Variants in TMEM117 observed in about 807,000 individuals in gnomAD.
TMEM117 encodes the protein transmembrane protein 117.
TMEM117 carries 27 observed loss-of-function variants against 52.4 expected under a neutral mutation model. That is an observed-to-expected ratio of 0.51 (90% CI 0.38 to 0.71). The LOEUF (loss-of-function observed/expected upper bound fraction) is 0.71, where lower values mean the gene tolerates loss of function less well. TMEM117 is among the 30% of genes least tolerant of loss of function. The pLI, the probability that TMEM117 is intolerant of heterozygous loss-of-function variation, is 0.00. For synonymous variants in TMEM117, 215 were observed against 206.3 expected (o/e 1.04, Z -0.36); for missense variants, 556 against 630.5 (o/e 0.88, Z 1.26).
intron 2 of TMEM117, among the ~76,000 whole-genome samples, chr12:43,847,187 T>G (rs1403168035): frequency 1.3e-5 from 2 of 152,142 alleles, no homozygotes; most frequent in African/African-American, 4.8e-5. Context: ...GATAAAAAGA[T>G]ATAGATGAAA....
intron 4 of TMEM117, among the ~76,000 whole-genome samples, chr12:44,159,222 T>G (rs988032954): frequency 6.6e-6 from 1 of 152,164 alleles, no homozygotes; most frequent in African/African-American, 2.4e-5. Flanking sequence ...AGTTTGAAAG[T>G]GTTAAGTCTT....
Position 44,340,857 on chromosome 12 carries a change from T to G in TMEM117, c.769-35738T>G, listed in dbSNP as rs142560438. The stretch of plus-strand genomic sequence containing the variant: ...AAGTGCAGTCCTGCTACATGCATAG[T>G]GCAATGGCCAAGTCAGGGCTTCTAG... On this transcript the variant is annotated intron_variant, in intron 6 of 7. Transcript: ENST00000266534. Among the ~76,000 whole-genome samples, 17 of 152,246 alleles carry G rather than the reference T, an allele frequency of 1.1e-4. No homozygotes were observed. The East Asian group carries it at 2.9e-3, about 26-fold the overall frequency.
At chr12:44,258,226 A>G (rs1190152069) in intron 5 of TMEM117, among the ~76,000 whole-genome samples, 2 of 151,782 alleles carry the variant, frequency 1.3e-5, no homozygotes, top group Non-Finnish European at 2.9e-5. Flanking sequence ...CCAAAGCATA[A>G]ATGACCTCCC....
rs554416618 is a variant in TMEM117 at position 44,338,833 on chromosome 12, C to T, written c.769-37762C>T. ...AGAGTTTTTGGCAGACAACAGAAAC[C>T]AATCTAGCTAGTTTAAGTAGAAAGG... On this transcript the variant is annotated intron_variant, in intron 6 of 7. Coordinates refer to ENST00000266534, the MANE Select transcript of TMEM117 (RefSeq NM_032256.3). Among the ~76,000 whole-genome samples, 31 of 152,070 alleles carry T rather than the reference C, an allele frequency of 2.0e-4. No homozygotes were observed. In the East Asian group the frequency reaches 5.8e-3, roughly 28 times the overall value.
intron 5 of TMEM117, among the ~76,000 whole-genome samples, chr12:44,239,802 A>G (rs923100751): frequency 2.6e-5 from 4 of 152,070 alleles, no homozygotes; most frequent in Admixed American, 2.6e-4. Flanking sequence ...CTCATACACT[A>G]AAGAGTGTTA....
chr12:44,022,682 G>A (rs557466308), intron 3 of TMEM117, among the ~76,000 whole-genome samples: 1 of 152,246 alleles, frequency 6.6e-6, no homozygotes, highest in Admixed American at 6.5e-5. Context: ...CAGTAATTTT[G>A]TATTGATGTG....
At chr12:44,016,561 A>G (rs1946376937) in intron 3 of TMEM117, among the ~76,000 whole-genome samples, 1 of 152,164 alleles carries the variant, frequency 6.6e-6, no homozygotes. Context: ...GTAAGTCTAC[A>G]TTTCAATCAA....
intron 6 of TMEM117, 71 bp from the exon 7 acceptor site, chr12:44,376,523 GT>G: frequency 6.4e-7 from 1 of 1,564,368 alleles, no homozygotes; most frequent in Non-Finnish European, 8.6e-7. Flanking sequence ...CTTATAAAAA[GT>G]CAATTTTTGG....
At chr12:44,172,945 G>A (rs530288826) in intron 4 of TMEM117, among the ~76,000 whole-genome samples, 14 of 152,048 alleles carry the variant, frequency 9.2e-5, no homozygotes, top group Non-Finnish European at 1.8e-4. Flanking sequence ...GGCTGGTCTC[G>A]AACTCCTGAC....
intron 2 of TMEM117, among the ~76,000 whole-genome samples, chr12:43,878,300 C>T (rs1052797843): frequency 5.3e-5 from 8 of 152,074 alleles, no homozygotes; most frequent in Admixed American, 2.6e-4. Flanking sequence ...TATTATTTTA[C>T]ACAAGATAAC....
intron 6 of TMEM117, among the ~76,000 whole-genome samples, chr12:44,363,795 T>C (rs1464801488): frequency 6.6e-6 from 1 of 152,140 alleles, no homozygotes; most frequent in African/African-American, 2.4e-5. Flanking sequence ...GTTGAGGTAT[T>C]TGTTTTGAGT....
chr12:44,200,424 C>T (rs908065584), intron 4 of TMEM117, among the ~76,000 whole-genome samples: 1 of 152,138 alleles, frequency 6.6e-6, no homozygotes, highest in African/African-American at 2.4e-5. Context: ...TAATTAAAAA[C>T]TGGCCTTAAA....
At chr12:44,263,081 CATTT>C (rs1283484277) in intron 5 of TMEM117, among the ~76,000 whole-genome samples, 4 of 152,176 alleles carry the variant, frequency 2.6e-5, no homozygotes, top group African/African-American at 9.7e-5. Context: ...CAGGCAATGA[CATTT>C]ATAAGTTAAC....
chr12:44,189,032 C>A (rs1272761090), intron 4 of TMEM117, among the ~76,000 whole-genome samples: 1 of 151,928 alleles, frequency 6.6e-6, no homozygotes, highest in Non-Finnish European at 1.5e-5. Flanking sequence ...GGGATATATA[C>A]CACCTTAAAT....
At chr12:43,856,612 A>T (rs994789025) in intron 2 of TMEM117, among the ~76,000 whole-genome samples, 2 of 152,228 alleles carry the variant, frequency 1.3e-5, no homozygotes, top group Non-Finnish European at 2.9e-5. Context: ...GAAAACATAC[A>T]GTATATACTC....
chr12:44,167,560 G>A (rs571934166), intron 4 of TMEM117, among the ~76,000 whole-genome samples: 4 of 152,092 alleles, frequency 2.6e-5, no homozygotes, highest in East Asian at 3.9e-4. Flanking sequence ...CCAGCTACTC[G>A]GGAGGCTGAG....
At chr12:43,808,949 A>G in the TMEM117 span, among the ~76,000 whole-genome samples, 8 of 152,176 alleles carry the variant, frequency 5.3e-5, no homozygotes, top group East Asian at 1.5e-3. Context: ...ATTTTATGTA[A>G]AATCTCTATT....
At chr12:44,219,050 A>T (rs1429868890) in intron 5 of TMEM117, among the ~76,000 whole-genome samples, 1 of 152,198 alleles carries the variant, frequency 6.6e-6, no homozygotes, top group Non-Finnish European at 1.5e-5. Context: ...CAACAAATGT[A>T]TTTACTATAA....
At chr12:43,801,186 G>A in the TMEM117 span, among the ~76,000 whole-genome samples, 25,576 of 152,184 alleles carry the variant, frequency 0.17, 2,635 homozygotes, top group African/African-American at 0.28. Flanking sequence ...TCTCAAAGCT[G>A]TATCAAAGAT....
Sources: allele counts gnomAD v4.1 joint callset (sites outside exome capture counted in the v4.1 genomes callset), GRCh38; gene constraint gnomAD v4.1.1; transcripts MANE v1.5; gene names NCBI Gene and HGNC (gene_info 2026-07-23, HGNC 2026-07-21).